TTC7A: variants seen among roughly 807,000 people sequenced by gnomAD.
TTC7A encodes the protein tetratricopeptide repeat protein 7A.
TTC7A carries 110 observed loss-of-function variants against 103.7 expected under a neutral mutation model. The observed-to-expected ratio is 1.06, with a 90% CI of 0.91 to 1.24. The LOEUF (loss-of-function observed/expected upper bound fraction) is 1.24. TTC7A is among the 50% of genes most tolerant of loss of function. TTC7A has a pLI of 0.00. For synonymous variants in TTC7A, 521 were observed against 467.9 expected (o/e 1.11, Z -1.47); for missense variants, 1,340 against 1,116.3 (o/e 1.20, Z -2.86).
chr2:47,002,092 C>G (rs1409406708), intron 8 of TTC7A, among the ~76,000 whole-genome samples: 1 of 152,088 alleles, frequency 6.6e-6, no homozygotes, highest in African/African-American at 2.4e-5. Context: ...TTTGGCTTCT[C>G]CTCTTCTGAC....
At chr2:47,032,564 T>A (rs1680668325) in intron 15 of TTC7A, among the ~76,000 whole-genome samples, 1 of 152,094 alleles carries the variant, frequency 6.6e-6, no homozygotes, top group Non-Finnish European at 1.5e-5. Flanking sequence ...TTCTGGAGGT[T>A]ATTCTGCAAC....
intron 7 of TTC7A, 69 bp from the exon 8 acceptor site, chr2:46,995,067 C>T (rs1572849399): frequency 1.3e-6 from 2 of 1,482,782 alleles, no homozygotes; most frequent in East Asian, 2.3e-5. Flanking sequence ...AGAAGGCTGG[C>T]ATGGTGGGTC....
intron 10 of TTC7A, among the ~76,000 whole-genome samples, chr2:47,010,291 A>G (rs1317823213): frequency 6.6e-6 from 1 of 152,204 alleles, no homozygotes; most frequent in Non-Finnish European, 1.5e-5. Flanking sequence ...AGCCATATAC[A>G]GTATGTAAAT....
chr2:46,999,380 C>A (rs1327031883), intron 8 of TTC7A: 1 of 394,010 alleles, frequency 2.5e-6, no homozygotes, highest in Non-Finnish European at 3.5e-6. Flanking sequence ...TCATTCCATC[C>A]ATCCCCCATT....
At chr2:47,024,234 C>T (rs966586054) in intron 13 of TTC7A, 53 bp from the exon 14 acceptor site, 16 of 1,491,076 alleles carry the variant, frequency 1.1e-5, no homozygotes, top group Admixed American at 9.5e-5. Flanking sequence ...CCGAGTCACA[C>T]GTTGGTCACT....
intron 18 of TTC7A, among the ~76,000 whole-genome samples, chr2:47,053,004 G>C (rs1258819404): frequency 1.3e-5 from 2 of 152,192 alleles, no homozygotes; most frequent in Non-Finnish European, 2.9e-5. Flanking sequence ...CCCACTGCAT[G>C]TTCCTCACAT....
At chr2:46,953,819 C>CTT (rs1041498077) in intron 2 of TTC7A, among the ~76,000 whole-genome samples, 2 of 141,068 alleles carry the variant, frequency 1.4e-5, no homozygotes, top group Non-Finnish European at 3.1e-5. Flanking sequence ...TTCTTTCTTT[C>CTT]TTTTTTTTTT....
intron 18 of TTC7A, among the ~76,000 whole-genome samples, chr2:47,057,445 G>A (rs1044511398): frequency 6.6e-6 from 1 of 152,194 alleles, no homozygotes; most frequent in African/African-American, 2.4e-5. Flanking sequence ...AGAGGGATTG[G>A]GATTGGGTGG....
At chr2:47,060,383 T>A (rs981994759) in intron 18 of TTC7A, among the ~76,000 whole-genome samples, 9 of 151,570 alleles carry the variant, frequency 5.9e-5, no homozygotes, top group East Asian at 1.9e-4. Flanking sequence ...ATAAATAAAT[T>A]AATTTTTTTT....
In TTC7A at chr2:46,963,688, A is replaced by G. The variant is rs189751254; in HGVS notation, c.517+6681A>G. ...GGACTGGATATTTATGGCCCCTTGT[A>G]CTAGAAAGTTGTTGGAGCAGCATGG... On this transcript the variant is annotated intron_variant, in intron 3 of 19. Transcript: ENST00000319190. Among the ~76,000 whole-genome samples, 4 of 152,322 alleles carry G rather than the reference A, an allele frequency of 2.6e-5. No individual in the cohort carries two copies. The East Asian group carries it at 7.7e-4, about 29-fold the overall frequency.
chr2:47,010,233 C>G (rs1677895012), intron 10 of TTC7A, among the ~76,000 whole-genome samples: 1 of 152,078 alleles, frequency 6.6e-6, no homozygotes, highest in Admixed American at 6.6e-5. Context: ...CTCTGCAGGC[C>G]CAACAGTTTT....
At chr2:46,976,978 G>A (rs1468113023) in intron 4 of TTC7A, among the ~76,000 whole-genome samples, 1 of 152,212 alleles carries the variant, frequency 6.6e-6, no homozygotes, top group Non-Finnish European at 1.5e-5. Flanking sequence ...CCACCAAGGG[G>A]GAATGGGTCA....
intron 15 of TTC7A, among the ~76,000 whole-genome samples, chr2:47,039,911 G>A (rs1681549156): frequency 6.6e-6 from 1 of 152,234 alleles, no homozygotes; most frequent in African/African-American, 2.4e-5. Context: ...TTCCTCCACA[G>A]AATCAGTGCT....
At position 47,023,494 on chromosome 2, in the gene TTC7A, C is replaced by T. The variant is rs199956542; in HGVS notation, c.1568+29C>T. The T allele has an allele frequency of 6.7e-4, 1,081 of 1,612,368 alleles. 2 individuals are homozygous for T. The highest frequency in any genetic ancestry group is 8.7e-4 in the Non-Finnish European group (1,021 of 1,178,472). On this transcript the variant is annotated intron_variant, in intron 13 of 19. Transcript: ENST00000319190. ...AGGAGGCTCCCACCTGCAGCAGAGGCCCCTCTTGCCTTTGGTGGCAGATTC... is the reference window on the plus strand; with the variant it reads ...AGGAGGCTCCCACCTGCAGCAGAGGTCCCTCTTGCCTTTGGTGGCAGATTC...
intron 2 of TTC7A, among the ~76,000 whole-genome samples, chr2:46,927,036 C>T (rs143041195): frequency 2.2e-3 from 330 of 151,062 alleles, no homozygotes; most frequent in African/African-American, 7.8e-3. Flanking sequence ...GAAAATATGC[C>T]AGAGGAAACT....
upstream of TTC7A, chr2:46,915,882 C>T: frequency 1.0e-6 from 1 of 984,698 alleles, no homozygotes; most frequent in African/African-American, 1.7e-5. Context: ...GCCGCCGGGC[C>T]CCTCCCGCTG....
chr2:47,057,069 G>A (rs898552170), intron 18 of TTC7A, among the ~76,000 whole-genome samples: 1 of 152,214 alleles, frequency 6.6e-6, no homozygotes, highest in African/African-American at 2.4e-5. Context: ...GGGTGGATGC[G>A]GCGCCCCAGG....
intron 3 of TTC7A, among the ~76,000 whole-genome samples, chr2:46,973,785 G>A (rs1020521347): frequency 1.3e-5 from 2 of 152,188 alleles, no homozygotes; most frequent in Non-Finnish European, 2.9e-5. Flanking sequence ...ACAGAAAAAA[G>A]TCGGGTACAG....
intron 8 of TTC7A, among the ~76,000 whole-genome samples, chr2:47,000,939 G>A (rs1676743723): frequency 6.6e-6 from 1 of 152,096 alleles, no homozygotes; most frequent in Non-Finnish European, 1.5e-5. Flanking sequence ...GGTCTCTTAT[G>A]GCACGGATGA....
Sources: gnomAD v4.1 joint callset for allele counts (sites outside exome capture counted in the v4.1 genomes callset) on GRCh38, gnomAD v4.1.1 for gene constraint, MANE v1.5 for transcripts, NCBI Gene and HGNC (gene_info 2026-07-23, HGNC 2026-07-21) for gene names.